Variants in MACROD2 observed in about 807,000 individuals in gnomAD.
MACROD2 encodes mono-ADP ribosylhydrolase 2, also known as ADP-ribose glycohydrolase MACROD2.
Under a neutral mutation model 70.4 loss-of-function variants are expected in MACROD2, and 36 were observed. That is an observed-to-expected ratio of 0.51 (90% confidence interval 0.39 to 0.68). The LOEUF is 0.68. MACROD2 is among the 30% of genes least tolerant of loss of function. The probability of loss-of-function intolerance (pLI) is 0.00; values close to 1 mark genes in which losing one functional copy is unlikely to be tolerated. For synonymous variants in MACROD2, 172 were observed against 178.8 expected, an observed-to-expected ratio of 0.96 and a Z score of 0.30; for missense variants, 496 against 538.4, an observed-to-expected ratio of 0.92 and a Z score of 0.78.
chr20:15,917,536 A>G (rs1293818334), intron 10 of MACROD2, among the ~76,000 whole-genome samples: 4 of 152,176 alleles, frequency 2.6e-5, no homozygotes, highest in Non-Finnish European at 5.9e-5. Context: ...TTTGTGTCAG[A>G]GTTGGCTTTT....
intron 6 of MACROD2, among the ~76,000 whole-genome samples, chr20:15,381,798 A>C (rs891607956): frequency 6.6e-6 from 1 of 152,162 alleles, no homozygotes; most frequent in Non-Finnish European, 1.5e-5. Context: ...TTTCCTGTGG[A>C]CCAGAGATGA....
intron 8 of MACROD2, among the ~76,000 whole-genome samples, chr20:15,573,838 A>G (rs1469251657): frequency 6.6e-6 from 1 of 152,096 alleles, no homozygotes; most frequent in Non-Finnish European, 1.5e-5. Flanking sequence ...TCATGCCTTC[A>G]TAACATTGTA....
intron 5 of MACROD2, among the ~76,000 whole-genome samples, chr20:14,826,062 G>A (rs139681447): frequency 2.0e-5 from 3 of 152,228 alleles, no homozygotes; most frequent in Non-Finnish European, 4.4e-5. Flanking sequence ...TACAGCATGT[G>A]TTTGGTTTTG....
chr20:15,279,410 C>G (rs941815843), intron 6 of MACROD2, among the ~76,000 whole-genome samples: 21 of 152,122 alleles, frequency 1.4e-4, no homozygotes, highest in African/African-American at 4.3e-4. Flanking sequence ...CATCCCCAGG[C>G]TGAGAAGTTA....
chr20:14,484,494 C>T (rs1288151851), intron 3 of MACROD2, among the ~76,000 whole-genome samples: 1 of 152,172 alleles, frequency 6.6e-6, no homozygotes, highest in African/African-American at 2.4e-5. Flanking sequence ...TTATTATTTA[C>T]TATAGTCACC....
intron 8 of MACROD2, among the ~76,000 whole-genome samples, chr20:15,606,052 T>C (rs2048888958): frequency 6.6e-6 from 1 of 152,170 alleles, no homozygotes; most frequent in Admixed American, 6.5e-5. Flanking sequence ...TTTAATGCCT[T>C]TGTTTGGATT....
rs535375946 is a variant in MACROD2, at chr20:15,208,747, T to C, written c.419-21193T>C. On this transcript the variant is annotated intron_variant, in intron 5 of 17. Coordinates refer to ENST00000684519, the MANE Select transcript of MACROD2 (RefSeq NM_001351661.2). ...GCCACCTTGGCTGGGAGGGGAAACA[T>C]TGTCTTGTTACTACTCCCCAGTTAG... Among the ~76,000 whole-genome samples the C allele has an allele frequency of 1.1e-4, 16 of 152,216 alleles. 1 individual carries two copies. In the East Asian group the frequency reaches 3.1e-3, roughly 29 times the overall value.
At chr20:14,649,651 G>A (rs1319494453) in intron 4 of MACROD2, among the ~76,000 whole-genome samples, 2 of 152,270 alleles carry the variant, frequency 1.3e-5, no homozygotes, top group Admixed American at 6.5e-5. Context: ...GGCCATACAT[G>A]TTGGGGGCTG....
intron 8 of MACROD2, among the ~76,000 whole-genome samples, chr20:15,778,776 C>G (rs1317877134): frequency 6.6e-6 from 1 of 151,976 alleles, no homozygotes; most frequent in African/African-American, 2.4e-5. Context: ...TATCTATAAA[C>G]ACAGAATATT....
intron 5 of MACROD2, among the ~76,000 whole-genome samples, chr20:15,034,591 C>G (rs2075299075): frequency 6.6e-6 from 1 of 152,100 alleles, no homozygotes; most frequent in African/African-American, 2.4e-5. Context: ...AAAGTATTCT[C>G]AAATGGATGT....
chr20:15,925,436 A>T (rs182094371), intron 10 of MACROD2, among the ~76,000 whole-genome samples: 2 of 152,358 alleles, frequency 1.3e-5, no homozygotes, highest in East Asian at 3.9e-4. Context: ...TAACGGTATC[A>T]AAGTATTTGT....
chr20:14,624,824 A>C (rs1984040778), intron 4 of MACROD2, among the ~76,000 whole-genome samples: 1 of 152,224 alleles, frequency 6.6e-6, no homozygotes, highest in African/African-American at 2.4e-5. Flanking sequence ...TCATGAATTT[A>C]TCAGCTTATT....
At chr20:14,485,582 T>C (rs1481902309) in intron 3 of MACROD2, among the ~76,000 whole-genome samples, 1 of 151,202 alleles carries the variant, frequency 6.6e-6, no homozygotes, top group African/African-American at 2.4e-5. Context: ...GCACCTGTAG[T>C]CCCAGCTACT....
chr20:15,175,027 A>C (rs1409850634), intron 5 of MACROD2, among the ~76,000 whole-genome samples: 3 of 151,938 alleles, frequency 2.0e-5, no homozygotes, highest in Non-Finnish European at 4.4e-5. Context: ...CCATTTGTCA[A>C]TTTTGGCTTT....
At chr20:15,844,647 A>G (rs1327560264) in intron 8 of MACROD2, among the ~76,000 whole-genome samples, 3 of 152,182 alleles carry the variant, frequency 2.0e-5, no homozygotes, top group African/African-American at 7.2e-5. Context: ...TTTTCTGTCC[A>G]GGAAAGTCTC....
At chr20:15,376,061 T>A (rs6135400) in intron 6 of MACROD2, among the ~76,000 whole-genome samples, 1 of 151,966 alleles carries the variant, frequency 6.6e-6, no homozygotes, top group Non-Finnish European at 1.5e-5. Context: ...GTTTACCAAA[T>A]GATTCAGGCA....
At chr20:14,005,748 G>T (rs1010657206) in intron 2 of MACROD2, among the ~76,000 whole-genome samples, 1 of 151,996 alleles carries the variant, frequency 6.6e-6, no homozygotes. Flanking sequence ...TTATAGATGC[G>T]TGCCACCACG....
chr20:15,985,448 T>A (rs1466576704), intron 13 of MACROD2, among the ~76,000 whole-genome samples: 1 of 152,218 alleles, frequency 6.6e-6, no homozygotes, highest in East Asian at 1.9e-4. Flanking sequence ...CTGTGGGTGA[T>A]CAGGCCACTC....
chr20:15,358,256 C>A (rs1382780592), intron 6 of MACROD2, among the ~76,000 whole-genome samples: 2 of 152,126 alleles, frequency 1.3e-5, no homozygotes, highest in Non-Finnish European at 2.9e-5. Context: ...TATATTTACA[C>A]GGCTCTAATC....
Sources: allele counts gnomAD v4.1 joint callset (sites outside exome capture counted in the v4.1 genomes callset), GRCh38; gene constraint gnomAD v4.1.1; transcripts MANE v1.5; gene names NCBI Gene and HGNC (gene_info 2026-07-23, HGNC 2026-07-21).